AGMO: variants seen among roughly 807,000 people sequenced by gnomAD.
AGMO encodes the protein alkylglycerol monooxygenase, also known as glyceryl-ether monooxygenase.
In AGMO, 75 loss-of-function variants were observed where a neutral mutation model predicts 60.2. That is an observed-to-expected ratio of 1.25 (90% CI 1.03 to 1.51). The LOEUF is 1.51. Ranked by LOEUF, AGMO falls within the 40% of genes most tolerant of loss-of-function variation. The pLI, the probability that AGMO is intolerant of heterozygous loss-of-function variation, is 0.00. For synonymous variants in AGMO, 261 were observed against 177.1 expected, an observed-to-expected ratio of 1.47 and a Z score of -3.76; for missense variants, 763 against 525.5, an observed-to-expected ratio of 1.45 and a Z score of -4.42.
At chr7:15,431,880 T>G (rs1054339424) in intron 3 of AGMO, among the ~76,000 whole-genome samples, 4 of 151,784 alleles carry the variant, frequency 2.6e-5, no homozygotes, top group African/African-American at 4.8e-5. Flanking sequence ...TTAAAAAAAT[T>G]TTTACAACAA....
the AGMO span, among the ~76,000 whole-genome samples, chr7:15,189,455 A>G: frequency 2.8e-4 from 43 of 152,238 alleles, no homozygotes; most frequent in South Asian, 6.2e-4. Flanking sequence ...TTCCATTTGG[A>G]GCAACGAATG....
intron 12 of AGMO, among the ~76,000 whole-genome samples, chr7:15,237,155 C>A (rs556546242): frequency 6.6e-6 from 1 of 152,150 alleles, no homozygotes. Flanking sequence ...TGCATATATT[C>A]ACACCAGACA....
chr7:15,486,713 A>C (rs1275944882), intron 3 of AGMO, among the ~76,000 whole-genome samples: 1 of 152,194 alleles, frequency 6.6e-6, no homozygotes, highest in Non-Finnish European at 1.5e-5. Flanking sequence ...TGTTCGCTTT[A>C]GATTTCTAAG....
At chr7:15,501,239 T>C (rs1386298560) in intron 3 of AGMO, among the ~76,000 whole-genome samples, 3 of 151,974 alleles carry the variant, frequency 2.0e-5, no homozygotes, top group Non-Finnish European at 4.4e-5. Flanking sequence ...AATATATTTG[T>C]TAATAATCTG....
At chr7:15,197,944 C>G (rs1781161779), downstream of AGMO, among the ~76,000 whole-genome samples, 1 of 152,046 alleles carries the variant, frequency 6.6e-6, no homozygotes, top group Non-Finnish European at 1.5e-5. Flanking sequence ...TTTCATGGGC[C>G]TGTACAAGTT....
chr7:15,364,401 T>C (rs1281563859), intron 12 of AGMO, among the ~76,000 whole-genome samples: 1 of 152,092 alleles, frequency 6.6e-6, no homozygotes, highest in East Asian at 1.9e-4. Context: ...CAGAGAATCC[T>C]GTATCATGTT....
chr7:15,354,487 TACACAC>T (rs1244900390), intron 12 of AGMO, among the ~76,000 whole-genome samples: 6 of 24,142 alleles, frequency 2.5e-4, no homozygotes, highest in Admixed American at 1.0e-3. Context: ...CGTGTGTATA[TACACAC>T]GTGTATATAT....
the AGMO span, among the ~76,000 whole-genome samples, chr7:15,190,701 C>T: frequency 2.0e-5 from 3 of 152,062 alleles, no homozygotes; most frequent in East Asian, 5.8e-4. Context: ...CAACGAAATA[C>T]AAATTATTGA....
chr7:15,441,919 T>A (rs531653415), intron 3 of AGMO, among the ~76,000 whole-genome samples: 83 of 152,316 alleles, frequency 5.4e-4, no homozygotes, highest in Middle Eastern at 3.4e-3. Context: ...ATATTACCCC[T>A]GTCAACAAAA....
the AGMO span, among the ~76,000 whole-genome samples, chr7:15,134,267 A>G: frequency 6.6e-6 from 1 of 152,178 alleles, no homozygotes; most frequent in African/African-American, 2.4e-5. Context: ...AGCTCAAGTG[A>G]TCCTCCCACT....
At chr7:15,506,147 A>C (rs1783507265) in intron 3 of AGMO, among the ~76,000 whole-genome samples, 1 of 152,106 alleles carries the variant, frequency 6.6e-6, no homozygotes, top group Non-Finnish European at 1.5e-5. Context: ...ACAGACTTTG[A>C]ACTCAGATAC....
intron 12 of AGMO, among the ~76,000 whole-genome samples, chr7:15,351,671 T>C (rs1178342190): frequency 6.6e-6 from 1 of 152,166 alleles, no homozygotes; most frequent in Non-Finnish European, 1.5e-5. Flanking sequence ...AGGAAAATAA[T>C]GACATGTTCA....
chr7:15,224,453 C>T (rs961895179), intron 12 of AGMO, among the ~76,000 whole-genome samples: 2 of 151,970 alleles, frequency 1.3e-5, no homozygotes, highest in African/African-American at 4.8e-5. Context: ...TTCTCTCTCT[C>T]TCTCTCCTCT....
intron 3 of AGMO, among the ~76,000 whole-genome samples, chr7:15,499,266 G>GC (rs1182527956): frequency 6.6e-6 from 1 of 151,754 alleles, no homozygotes; most frequent in Admixed American, 6.6e-5. Flanking sequence ...CAATAAAGAT[G>GC]TTTTTTTAAA....
chr7:15,403,999 A>G (rs572738655), intron 5 of AGMO, among the ~76,000 whole-genome samples: 13 of 152,038 alleles, frequency 8.6e-5, no homozygotes, highest in African/African-American at 2.2e-4. Flanking sequence ...CTGTTTGATT[A>G]GACAGTTTTC....
chr7:15,437,135 T>TA (rs963045657), intron 3 of AGMO, among the ~76,000 whole-genome samples: 1 of 152,142 alleles, frequency 6.6e-6, no homozygotes, highest in Non-Finnish European at 1.5e-5. Flanking sequence ...AAAGTCTAAC[T>TA]AAAAAATATA....
At chr7:15,272,012 T>C (rs1450067195) in intron 12 of AGMO, among the ~76,000 whole-genome samples, 1 of 152,166 alleles carries the variant, frequency 6.6e-6, no homozygotes, top group Non-Finnish European at 1.5e-5. Context: ...CATCTTTGCA[T>C]CTCTGGAATA....
chr7:15,196,655 C>T (rs1165175558), downstream of AGMO, among the ~76,000 whole-genome samples: 1 of 152,176 alleles, frequency 6.6e-6, no homozygotes, highest in Non-Finnish European at 1.5e-5. Flanking sequence ...GTGTTCCCAA[C>T]AGTCATTTCC....
rs562022363 is a variant in AGMO, at chr7:15,435,171, A to G, written c.410-4063T>C. Among the ~76,000 whole-genome samples, 3 of 152,152 alleles carry G rather than the reference A, an allele frequency of 2.0e-5. No individual in the cohort carries two copies. In the East Asian group the frequency reaches 5.8e-4, roughly 29 times the overall value. On this transcript the variant is annotated intron_variant, in intron 3 of 12. Coordinates refer to ENST00000342526, the MANE Select transcript of AGMO (RefSeq NM_001004320.2). The stretch of plus-strand genomic sequence containing the variant: ...TTTTTGACAGATAAAAGTTCTATCA[A>G]GTAGTTATCATAGAGGTTTTCTGTG...
Sources: allele counts gnomAD v4.1 joint callset (sites outside exome capture counted in the v4.1 genomes callset), GRCh38; gene constraint gnomAD v4.1.1; transcripts MANE v1.5; gene names NCBI Gene and HGNC (gene_info 2026-07-23, HGNC 2026-07-21).